Variants in PAPPA2 observed in about 807,000 individuals in gnomAD.
The protein encoded by PAPPA2 is pappalysin 2.
A neutral mutation model predicts 176.4 loss-of-function variants in PAPPA2; 86 were observed. The observed-to-expected ratio is 0.49, with a 90% CI of 0.41 to 0.58. The LOEUF (loss-of-function observed/expected upper bound fraction) is 0.58. PAPPA2 is among the 20% of genes least tolerant of loss of function. The probability of loss-of-function intolerance (pLI) is 0.00; values close to 1 mark genes in which losing one functional copy is unlikely to be tolerated. For synonymous variants in PAPPA2, 809 were observed against 852.2 expected (o/e 0.95, Z 0.88); for missense variants, 2,073 against 2,256.9 (o/e 0.92, Z 1.65).
chr1:176,692,038 C>T (rs1660141193), intron 5 of PAPPA2, 88 bp from the exon 6 acceptor site: 5 of 1,292,776 alleles, frequency 3.9e-6, no homozygotes, highest in Middle Eastern at 1.9e-4. Flanking sequence ...TTAACTCAGC[C>T]ATGAACAAGA....
chr1:176,796,779 CTTCT>C (rs1476714189), intron 20 of PAPPA2, among the ~76,000 whole-genome samples: 3 of 138,408 alleles, frequency 2.2e-5, no homozygotes, highest in African/African-American at 8.1e-5. Flanking sequence ...TCTTTCTTCC[CTTCT>C]TTCTGTCTTT....
At chr1:176,636,422 G>A (rs1339274157) in intron 3 of PAPPA2, among the ~76,000 whole-genome samples, 4 of 152,254 alleles carry the variant, frequency 2.6e-5, no homozygotes, top group African/African-American at 7.2e-5. Flanking sequence ...TCTCAGAGAG[G>A]ATGGCTATGT....
intron 6 of PAPPA2, among the ~76,000 whole-genome samples, chr1:176,693,997 A>T (rs960638288): frequency 6.6e-6 from 1 of 152,060 alleles, no homozygotes; most frequent in Non-Finnish European, 1.5e-5. Context: ...TGGCAGAAAA[A>T]CCTGCAGTTT....
chr1:176,655,814 CG>C (rs1470360938), intron 3 of PAPPA2, among the ~76,000 whole-genome samples: 2 of 151,650 alleles, frequency 1.3e-5, no homozygotes, highest in Admixed American at 6.6e-5. Context: ...AAAATTACAC[CG>C]GTCCCCATAA....
chr1:176,525,263 C>G (rs1649439364), intron 1 of PAPPA2, among the ~76,000 whole-genome samples: 1 of 152,210 alleles, frequency 6.6e-6, no homozygotes, highest in Non-Finnish European at 1.5e-5. Context: ...TTGAGCAAGA[C>G]TCTTCTGGTT....
At chr1:176,794,488 T>C (rs934715961) in intron 20 of PAPPA2, among the ~76,000 whole-genome samples, 7 of 152,198 alleles carry the variant, frequency 4.6e-5, no homozygotes, top group African/African-American at 1.7e-4. Context: ...AAGATATCAC[T>C]AGCTATCTCC....
intron 3 of PAPPA2, among the ~76,000 whole-genome samples, chr1:176,617,556 T>C (rs190140233): frequency 7.4e-4 from 112 of 152,300 alleles, no homozygotes; most frequent in Non-Finnish European, 1.3e-3. Flanking sequence ...CCTGAGTTAC[T>C]TCACTTAGAA....
intron 1 of PAPPA2, among the ~76,000 whole-genome samples, chr1:176,473,616 CCA>C (rs1383344434): frequency 1.3e-5 from 2 of 152,146 alleles, no homozygotes; most frequent in African/African-American, 4.8e-5. Flanking sequence ...AAAATGTTTT[CCA>C]AAGTGGCTGT....
At chr1:176,675,874 C>T (rs1450938042) in intron 4 of PAPPA2, among the ~76,000 whole-genome samples, 1 of 151,962 alleles carries the variant, frequency 6.6e-6, no homozygotes, top group Non-Finnish European at 1.5e-5. Flanking sequence ...ACTCTCAAAA[C>T]TCAACAGTAA....
At chr1:176,810,676 A>T (rs1666112233) in intron 21 of PAPPA2, among the ~76,000 whole-genome samples, 1 of 152,120 alleles carries the variant, frequency 6.6e-6, no homozygotes, top group Middle Eastern at 3.2e-3. Context: ...GTGGTTCTGG[A>T]CCAGTGGCAG....
intron 2 of PAPPA2, among the ~76,000 whole-genome samples, chr1:176,591,873 CT>C (rs1341700475): frequency 1.3e-5 from 2 of 152,144 alleles, no homozygotes; most frequent in African/African-American, 4.8e-5. Flanking sequence ...ATTTTCATGT[CT>C]GATTTAACTT....
rs746187159 is a variant in PAPPA2, at chr1:176,769,575, G to A, written c.4324-32G>A. 5.0e-6 allele frequency: 8 copies of A among 1,603,360 alleles called. No individual in the cohort carries two copies. The Admixed American group carries it at 1.3e-4, about 27-fold the overall frequency. On this transcript the variant is annotated intron_variant, in intron 15 of 22. Transcript: ENST00000367662. ...ACTACTCTGATACGCCTTTTAATGT[G>A]ACTTTGACAGAAGCAATTTCTCTGT...
intron 21 of PAPPA2, among the ~76,000 whole-genome samples, chr1:176,835,129 A>G (rs1052857470): frequency 3.3e-5 from 5 of 152,324 alleles, no homozygotes; most frequent in African/African-American, 1.2e-4. Context: ...CTTCTTTCTC[A>G]GTAAATTAAA....
At chr1:176,547,919 G>A (rs146007325) in intron 1 of PAPPA2, among the ~76,000 whole-genome samples, 99 of 152,196 alleles carry the variant, frequency 6.5e-4, no homozygotes, top group African/African-American at 2.2e-3. Context: ...GTGGGGTGCC[G>A]ACCCACAGCT....
chr1:176,544,234 C>T (rs1277809495), intron 1 of PAPPA2, among the ~76,000 whole-genome samples: 2 of 152,140 alleles, frequency 1.3e-5, no homozygotes, highest in African/African-American at 2.4e-5. Flanking sequence ...CTGTAATAGT[C>T]TTGGACAAGT....
intron 1 of PAPPA2, among the ~76,000 whole-genome samples, chr1:176,545,785 G>T (rs1339123099): frequency 1.3e-5 from 2 of 152,128 alleles, no homozygotes; most frequent in Non-Finnish European, 2.9e-5. Context: ...GAAAAGGTGG[G>T]CAGTGAACTA....
intron 14 of PAPPA2, among the ~76,000 whole-genome samples, chr1:176,742,526 G>A (rs147286200): frequency 8.5e-5 from 13 of 152,294 alleles, no homozygotes; most frequent in African/African-American, 3.1e-4. Context: ...CTGTGTATCT[G>A]GAATGCATAA....
At chr1:176,548,598 T>A (rs1440861181) in intron 1 of PAPPA2, among the ~76,000 whole-genome samples, 3 of 152,060 alleles carry the variant, frequency 2.0e-5, no homozygotes, top group South Asian at 2.1e-4. Context: ...TGCAGTATGG[T>A]GACCATGAGT....
intron 6 of PAPPA2, among the ~76,000 whole-genome samples, chr1:176,692,523 A>G (rs1185983858): frequency 6.6e-6 from 1 of 152,162 alleles, no homozygotes; most frequent in Non-Finnish European, 1.5e-5. Context: ...GGCTCATCTT[A>G]AGTGCTCACT....
Sources: allele counts gnomAD v4.1 joint callset (sites outside exome capture counted in the v4.1 genomes callset), GRCh38; gene constraint gnomAD v4.1.1; transcripts MANE v1.5; gene names NCBI Gene and HGNC (gene_info 2026-07-23, HGNC 2026-07-21).